The following LSAMP variants were observed in gnomAD, a reference collection of about 807,000 sequenced individuals.
LSAMP encodes limbic system associated membrane protein.
A neutral mutation model predicts 38.6 loss-of-function variants in LSAMP; 7 were observed. The ratio of observed to expected loss-of-function variants is 0.18; its 90% CI spans 0.10 to 0.34. The LOEUF is 0.34. Ranked by LOEUF, LSAMP falls within the 10% of genes least tolerant of loss-of-function variation. LSAMP has a pLI of 1.00. For missense variants in LSAMP, 313 were observed against 420.0 expected (o/e 0.75, Z 2.23); for synonymous variants, 154 against 166.8 (o/e 0.92, Z 0.59).
chr3:116,160,693 A>G (rs548390285), intron 1 of LSAMP, among the ~76,000 whole-genome samples: 1 of 152,322 alleles, frequency 6.6e-6, no homozygotes, highest in African/African-American at 2.4e-5. Flanking sequence ...ATAAATTTGG[A>G]ATATATTTGG....
At chr3:116,110,534 TGAAAG>T (rs1346302608) in intron 1 of LSAMP, among the ~76,000 whole-genome samples, 2 of 151,452 alleles carry the variant, frequency 1.3e-5, no homozygotes, top group East Asian at 3.9e-4. Context: ...TACCAGAAAA[TGAAAG>T]GAATTGAAAT....
At chr3:116,226,797 C>T (rs1559790832) in intron 1 of LSAMP, among the ~76,000 whole-genome samples, 2 of 152,186 alleles carry the variant, frequency 1.3e-5, no homozygotes, top group Non-Finnish European at 2.9e-5. Flanking sequence ...AGGAAGTCTA[C>T]CTCTTCCAAC....
intron 1 of LSAMP, among the ~76,000 whole-genome samples, chr3:116,106,809 G>C (rs1708478531): frequency 6.6e-6 from 1 of 152,128 alleles, no homozygotes; most frequent in Non-Finnish European, 1.5e-5. Flanking sequence ...TTGTTACTCA[G>C]GGCATGTTGA....
At chr3:115,996,755 C>A (rs1939826513) in intron 3 of LSAMP, among the ~76,000 whole-genome samples, 1 of 151,988 alleles carries the variant, frequency 6.6e-6, no homozygotes, top group Admixed American at 6.6e-5. Flanking sequence ...TTACTATTTG[C>A]TCAGGAAAGG....
chr3:116,129,879 G>C (rs1016648311), intron 1 of LSAMP, among the ~76,000 whole-genome samples: 1 of 152,214 alleles, frequency 6.6e-6, no homozygotes, highest in African/African-American at 2.4e-5. Context: ...CCTTAAGAGA[G>C]GCACTGGACT....
At chr3:116,050,386 T>TA (rs1037872110) in intron 2 of LSAMP, among the ~76,000 whole-genome samples, 2 of 151,558 alleles carry the variant, frequency 1.3e-5, no homozygotes, top group East Asian at 1.9e-4. Context: ...GTCCAAATAT[T>TA]AAAAAAAAAT....
At chr3:116,139,128 T>G (rs186646199) in intron 1 of LSAMP, among the ~76,000 whole-genome samples, 1 of 152,066 alleles carries the variant, frequency 6.6e-6, no homozygotes, top group East Asian at 1.9e-4. Flanking sequence ...AATCTGCTCA[T>G]AATTCTGCTG....
chr3:116,382,299 A>G (rs1464542860), intron 1 of LSAMP, among the ~76,000 whole-genome samples: 1 of 152,070 alleles, frequency 6.6e-6, no homozygotes, highest in South Asian at 2.1e-4. Flanking sequence ...TGTGGCACAT[A>G]TACACCATGG....
intron 3 of LSAMP, among the ~76,000 whole-genome samples, chr3:115,884,403 G>GTC (rs1936398609): frequency 6.6e-6 from 1 of 151,918 alleles, no homozygotes; most frequent in Admixed American, 6.6e-5. Flanking sequence ...GTAATAAAAG[G>GTC]CAACGAAGGG....
chr3:116,271,325 C>T (rs945894858), intron 1 of LSAMP, among the ~76,000 whole-genome samples: 8 of 152,034 alleles, frequency 5.3e-5, no homozygotes, highest in Non-Finnish European at 8.8e-5. Context: ...AGTCCAGCTT[C>T]TCTTGTAGAC....
intron 3 of LSAMP, among the ~76,000 whole-genome samples, chr3:115,865,084 A>C (rs1021665437): frequency 6.6e-6 from 1 of 152,220 alleles, no homozygotes; most frequent in Admixed American, 6.5e-5. Flanking sequence ...TTGCTAATGG[A>C]TGTCAATGTA....
At chr3:116,093,448 G>T (rs550903388) in intron 1 of LSAMP, among the ~76,000 whole-genome samples, 1 of 152,294 alleles carries the variant, frequency 6.6e-6, no homozygotes, top group African/African-American at 2.4e-5. Flanking sequence ...TGTTTTCATA[G>T]GCTTATGCTT....
chr3:116,276,438 A>G (rs1410342353), intron 1 of LSAMP, among the ~76,000 whole-genome samples: 1 of 149,580 alleles, frequency 6.7e-6, no homozygotes, highest in Non-Finnish European at 1.5e-5. Flanking sequence ...TTAAGAAAAC[A>G]TTGTATGTTC....
intron 1 of LSAMP, among the ~76,000 whole-genome samples, chr3:116,100,118 G>T (rs1342037362): frequency 2.0e-5 from 3 of 151,316 alleles, no homozygotes; most frequent in Non-Finnish European, 1.5e-5. Flanking sequence ...GTCTCACTCT[G>T]TTGCTCAGGC....
chr3:115,973,461 G>T (rs950087286), intron 3 of LSAMP, among the ~76,000 whole-genome samples: 2 of 152,106 alleles, frequency 1.3e-5, no homozygotes, highest in African/African-American at 4.8e-5. Flanking sequence ...GGCCAGGCGC[G>T]GTGGCTCACG....
intron 1 of LSAMP, among the ~76,000 whole-genome samples, chr3:116,323,073 C>G (rs1467352778): frequency 6.6e-6 from 1 of 152,110 alleles, no homozygotes; most frequent in East Asian, 1.9e-4. Context: ...ATCACAAAGA[C>G]TAGAGCTCCA....
At chr3:116,000,433 A>G (rs1939957197) in intron 3 of LSAMP, among the ~76,000 whole-genome samples, 1 of 152,224 alleles carries the variant, frequency 6.6e-6, no homozygotes, top group Non-Finnish European at 1.5e-5. Context: ...ACTATGAGTC[A>G]TCATGAATCA....
chr3:116,209,602 G>A lies in LSAMP; in HGVS notation c.156-123046C>T, dbSNP rs111268196. Reference sequence around the variant, plus strand: ...GTGTGTATGTTTGTATGTGTGAAGAGTAAGAGGGGGGCTTTGATGTCGGAG... The same window carrying A: ...GTGTGTATGTTTGTATGTGTGAAGAATAAGAGGGGGGCTTTGATGTCGGAG... On this transcript the variant is annotated intron_variant, in intron 1 of 6. Transcript: ENST00000490035. 4.3e-3 allele frequency among the ~76,000 whole-genome samples: 662 copies of A among 152,286 alleles called. 7 individuals are homozygous for A. Among genetic ancestry groups the A allele is most frequent in the African/African-American group, 0.015 (624 of 41,564 alleles).
intron 1 of LSAMP, among the ~76,000 whole-genome samples, chr3:116,216,554 G>T (rs1199792619): frequency 7.4e-6 from 1 of 134,992 alleles, no homozygotes; most frequent in African/African-American, 3.0e-5. Flanking sequence ...CAGAAGCAAA[G>T]AATGAGAAAA....
Sources: gnomAD v4.1 joint callset for allele counts (sites outside exome capture counted in the v4.1 genomes callset) on GRCh38, gnomAD v4.1.1 for gene constraint, MANE v1.5 for transcripts, NCBI Gene and HGNC (gene_info 2026-07-23, HGNC 2026-07-21) for gene names.